Variants in EARS2 observed in about 807,000 individuals in gnomAD.
EARS2 encodes nondiscriminating glutamyl-tRNA synthetase EARS2, mitochondrial.
A neutral mutation model predicts 54.1 loss-of-function variants in EARS2; 50 were observed. That is an observed-to-expected ratio of 0.92 (90% CI 0.74 to 1.17). The LOEUF (loss-of-function observed/expected upper bound fraction) is 1.17. Among genes scored for constraint, EARS2 ranks in the 50% most tolerant of loss-of-function variants. EARS2 has a pLI of 0.00. For missense variants in EARS2, 673 were observed against 675.0 expected (o/e 1.00, Z 0.03); for synonymous variants, 298 against 281.0 (o/e 1.06, Z -0.61).
chr16:23,528,752 T>A (rs1965271930), intron 7 of EARS2, among the ~76,000 whole-genome samples: 1 of 152,120 alleles, frequency 6.6e-6, no homozygotes, highest in African/African-American at 2.4e-5. Context: ...AATAAAAAAA[T>A]TAGTTGGGCG....
chr16:23,528,962 G>A (rs1276198319), intron 7 of EARS2, among the ~76,000 whole-genome samples: 2 of 152,166 alleles, frequency 1.3e-5, no homozygotes, highest in Non-Finnish European at 1.5e-5. Flanking sequence ...GGTCAGCATC[G>A]GCGAGTAGGG....
At chr16:23,545,837 A>T (rs1485393166) in intron 2 of EARS2, among the ~76,000 whole-genome samples, 1 of 152,010 alleles carries the variant, frequency 6.6e-6, no homozygotes, top group African/African-American at 2.4e-5. Flanking sequence ...CTATTTTTTT[A>T]GTAGAGAGCG....
chr16:23,550,887 CCT>C (rs1306997719), intron 2 of EARS2: 1 of 152,106 alleles, frequency 6.6e-6, no homozygotes, highest in Non-Finnish European at 1.5e-5. Context: ...GGGAATCTCC[CCT>C]TTCCTAGTCA....
Position 23,557,023 on chromosome 16 carries a change from C to G in EARS2, c.139+182G>C, listed in dbSNP as rs541565512. On this transcript the variant is annotated intron_variant, in intron 1 of 8. Transcript: ENST00000449606. ...CACAAAAAACACAAGAAACTCCTGG[C>G]AATTTGAATTATTTCCGCTCCTGCA... 1.4e-5 allele frequency: 13 copies of G among 935,076 alleles called. No individual in the cohort carries two copies. The East Asian group carries it at 3.4e-4, about 24-fold the overall frequency. The allele number at this position is 935,076 out of a possible 1,614,324, so 57.9% of individuals were successfully genotyped here. A position where few individuals can be genotyped will look rare whatever the true frequency, so the allele number is the denominator to read the frequency against.
intron 7 of EARS2, among the ~76,000 whole-genome samples, chr16:23,527,324 G>GA (rs1293857791): frequency 6.6e-6 from 1 of 152,128 alleles, no homozygotes; most frequent in Non-Finnish European, 1.5e-5. Context: ...ACTGGGGCTG[G>GA]ACATCTTTCT....
At chr16:23,543,117 C>CAAAAAAAAAA (rs35137770) in intron 3 of EARS2, among the ~76,000 whole-genome samples, 1 of 71,994 alleles carries the variant, frequency 1.4e-5, no homozygotes, top group Non-Finnish European at 2.4e-5. Context: ...TCTGTCTCAC[C>CAAAAAAAAAA]AAAAAAAAAA....
rs200139797 is a variant in EARS2 at position 23,552,164 on chromosome 16, T to C, written c.280A>G (p.Met94Val). ...CCAGGCTTACCTGCCCACTCCAGCA[T>C]GTCCTCAATATTCTCCGCTGCCCCA... Reference protein sequence around the residue: ...VPGAAENIEDMLEWAGIPPDE... With the variant: ...VPGAAENIEDVLEWAGIPPDE... Residue 94 changes from methionine (M) to valine (V), a missense_variant, in exon 2 of 9, where the codon ATG becomes GTG. Physicochemically the swap from Met to Val is conservative, Grantham distance 21. Transcript: ENST00000449606. 140 of 1,613,956 alleles carry C rather than the reference T, an allele frequency of 8.7e-5. No homozygotes were observed. The East Asian group carries it at 1.9e-3, about 22-fold the overall frequency.
chr16:23,544,776 T>C, intron 2 of EARS2, 73 bp from the exon 3 acceptor site: 2 of 1,313,422 alleles, frequency 1.5e-6, no homozygotes, highest in South Asian at 1.4e-5. Flanking sequence ...AAGCACTTTA[T>C]GCACATATTA....
chr16:23,550,350 GA>G (rs1344339755), intron 2 of EARS2, among the ~76,000 whole-genome samples: 1 of 145,792 alleles, frequency 6.9e-6, no homozygotes, highest in Non-Finnish European at 1.5e-5. Flanking sequence ...CTGGGCAACA[GA>G]GCAAGATTTT....
intron 6 of EARS2, 27 bp from the exon 7 acceptor site, chr16:23,529,659 C>T (rs921722739): frequency 6.2e-7 from 1 of 1,613,630 alleles, no homozygotes. Flanking sequence ...TCATTGAATG[C>T]ACTAGGGACA....
chr16:23,527,856 G>A (rs1965257098), intron 7 of EARS2, among the ~76,000 whole-genome samples: 1 of 152,174 alleles, frequency 6.6e-6, no homozygotes, highest in Non-Finnish European at 1.5e-5. Flanking sequence ...CCCAGCAAAG[G>A]ATGATCGTTC....
At position 23,557,294 on chromosome 16, in the gene EARS2, G is replaced by A; in HGVS notation, c.50C>T (p.Ala17Val). Residue 17 changes from alanine (A) to valine (V), a missense_variant, in exon 1 of 9, where the codon GCC becomes GTC. Ala to Val is a moderately conservative substitution (Grantham distance 64). Coordinates refer to ENST00000449606, the MANE Select transcript of EARS2 (RefSeq NM_001083614.2). ...GCGCCGTCCTACGGGGCGGCCAGAGGCCGCCGAAGGCCTCTCGCGCTGCAG... is the reference window on the plus strand; with the variant it reads ...GCGCCGTCCTACGGGGCGGCCAGAGACCGCCGAAGGCCTCTCGCGCTGCAG... ...RLLQRERPSA[A>V]SGRPVGRREA... 1.3e-6 allele frequency: 2 copies of A among 1,512,902 alleles called. No individual in the cohort carries two copies. Among genetic ancestry groups the A allele is most frequent in the Non-Finnish European group, 1.8e-6 (2 of 1,142,150 alleles). The allele number at this position is 1,512,902 out of a possible 1,614,324, so 93.7% of individuals were successfully genotyped here.
chr16:23,556,680 G>C (rs1282902252), intron 1 of EARS2: 2 of 350,254 alleles, frequency 5.7e-6, no homozygotes, highest in Non-Finnish European at 1.1e-5. Flanking sequence ...CCTTCTATAG[G>C]CTTCACATAG....
intron 4 of EARS2, among the ~76,000 whole-genome samples, 183 bp from the exon 5 acceptor site, chr16:23,532,948 A>G (rs942722548): frequency 6.6e-6 from 1 of 152,124 alleles, no homozygotes; most frequent in African/African-American, 2.4e-5. Flanking sequence ...TCTTCCAAGT[A>G]GCTGGGACTA....
intron 1 of EARS2, among the ~76,000 whole-genome samples, chr16:23,554,031 A>C (rs546480182): frequency 6.6e-6 from 1 of 152,266 alleles, no homozygotes; most frequent in Non-Finnish European, 1.5e-5. Flanking sequence ...TTGAAATTTG[A>C]GATGGGGTCT....
intron 3 of EARS2, 75 bp downstream of exon 3, chr16:23,544,439 G>A: frequency 7.0e-7 from 1 of 1,427,456 alleles, no homozygotes; most frequent in African/African-American, 1.4e-5. Flanking sequence ...ATGTTTAGGG[G>A]AATTTCTTAC....
At chr16:23,537,118 A>G in intron 3 of EARS2, 1 of 250,298 alleles carries the variant, frequency 4.0e-6, no homozygotes, top group Admixed American at 4.6e-5. Context: ...TCTGACAGTG[A>G]GTTTGACAAA....
intron 1 of EARS2, chr16:23,553,045 T>G (rs1385324858): frequency 2.5e-6 from 1 of 401,218 alleles, no homozygotes; most frequent in African/African-American, 2.1e-5. Context: ...GAGGATCACC[T>G]GAGCCTGGGG....
At chr16:23,542,310 A>AT (rs764602136) in intron 3 of EARS2, among the ~76,000 whole-genome samples, 3 of 57,784 alleles carry the variant, frequency 5.2e-5, no homozygotes, top group African/African-American at 1.9e-4. Context: ...TGGACCTTTC[A>AT]TTTTTCTTTT....
Sources: allele counts gnomAD v4.1 joint callset (sites outside exome capture counted in the v4.1 genomes callset), GRCh38; gene constraint gnomAD v4.1.1; transcripts MANE v1.5; gene names NCBI Gene and HGNC (gene_info 2026-07-23, HGNC 2026-07-21).